LNX1: variants seen among roughly 807,000 people sequenced by gnomAD.
LNX1 encodes ligand of numb-protein X 1.
Under a neutral mutation model 68.4 loss-of-function variants are expected in LNX1, and 54 were observed. The observed-to-expected ratio is 0.79, with a 90% CI of 0.63 to 0.99. The LOEUF is 0.99. Ranked by LOEUF, LNX1 falls within the 50% of genes least tolerant of loss-of-function variation. The pLI, the probability that LNX1 is intolerant of heterozygous loss-of-function variation, is 0.00. For synonymous variants in LNX1, 336 were observed against 350.0 expected (o/e 0.96, Z 0.45); for missense variants, 906 against 926.4 (o/e 0.98, Z 0.29).
At chr4:53,484,533 AG>A (rs1377052308) in intron 6 of LNX1, among the ~76,000 whole-genome samples, 2 of 152,058 alleles carry the variant, frequency 1.3e-5, no homozygotes, top group African/African-American at 2.4e-5. Context: ...ACTGCACTCA[AG>A]CCTGGGTGAG....
At chr4:53,630,483 C>G (rs1346012595) in intron 1 of LNX1, among the ~76,000 whole-genome samples, 1 of 152,052 alleles carries the variant, frequency 6.6e-6, no homozygotes, top group South Asian at 2.1e-4. Flanking sequence ...ACTAGTGCCA[C>G]TTTTTTCTTA....
chr4:53,651,263 T>C (rs1735086013), intron 1 of LNX1, among the ~76,000 whole-genome samples: 1 of 152,224 alleles, frequency 6.6e-6, no homozygotes, highest in African/African-American at 2.4e-5. Flanking sequence ...TTGAGCTCGT[T>C]TGAAGCTCAC....
intron 2 of LNX1, among the ~76,000 whole-genome samples, chr4:53,560,015 C>T (rs1730174159): frequency 6.6e-6 from 1 of 152,136 alleles, no homozygotes; most frequent in Non-Finnish European, 1.5e-5. Context: ...GGAAGCTTAA[C>T]AGCTATCTCC....
chr4:53,460,670 TAA>T lies in LNX1; in HGVS notation c.*235_*236del, dbSNP rs1440636277. ...GGCTTTTTATTGAATAGAAAAAATATAAACAATGTTGTAGAGTAATGAGAAAT... is the reference window on the plus strand; with the variant it reads ...GGCTTTTTATTGAATAGAAAAAATATACAATGTTGTAGAGTAATGAGAAAT... On this transcript the variant is annotated 3_prime_UTR_variant, in exon 11 of 11. Transcript: ENST00000263925. 1.5e-5 allele frequency: 6 copies of T among 404,096 alleles called. No individual in the cohort carries two copies. In the Admixed American group the frequency reaches 2.8e-4, roughly 19 times the overall value. The allele number at this position is 404,096 out of a possible 1,614,324, so 25.0% of individuals were successfully genotyped here.
intron 3 of LNX1, 83 bp from the exon 4 acceptor site, chr4:53,507,552 A>C (rs1027888494): frequency 1.4e-6 from 2 of 1,439,058 alleles, no homozygotes; most frequent in Non-Finnish European, 9.6e-7. Context: ...GATATACACA[A>C]TAAGACATTA....
chr4:53,575,125 G>A (rs1279286680), intron 1 of LNX1, among the ~76,000 whole-genome samples: 1 of 152,094 alleles, frequency 6.6e-6, no homozygotes, highest in Non-Finnish European at 1.5e-5. Flanking sequence ...GGGATTACAG[G>A]CGCGCGCCAC....
chr4:53,459,741 A>AGATT lies in LNX1; in HGVS notation c.*1162_*1165dup, dbSNP rs1455225653. On this transcript the variant is annotated 3_prime_UTR_variant, in exon 11 of 11. Transcript: ENST00000263925. ...AGCTGTGTTAGCTGTGTACATACAC[A>AGATT]GATTATCTGAGAAAAGGTCAAGGGT... 2.8e-6 allele frequency: 1 copy of AGATT among 362,122 alleles called. No homozygotes were observed. Among genetic ancestry groups the AGATT allele is most frequent in the Admixed American group, 4.4e-5 (1 of 22,508 alleles). 22.4% of individuals were successfully genotyped at this position (362,122 alleles called of 1,614,324 possible).
At chr4:53,463,040 A>G (rs1196422908) in intron 9 of LNX1, among the ~76,000 whole-genome samples, 2 of 152,132 alleles carry the variant, frequency 1.3e-5, no homozygotes, top group Admixed American at 6.5e-5. Flanking sequence ...TAAGAATTAG[A>G]TGATTGTTAT....
At chr4:53,509,564 T>C (rs1726175025) in intron 2 of LNX1, among the ~76,000 whole-genome samples, 1 of 152,214 alleles carries the variant, frequency 6.6e-6, no homozygotes, top group African/African-American at 2.4e-5. Context: ...AATTTGCATA[T>C]ACTTTCTGGA....
intron 9 of LNX1, among the ~76,000 whole-genome samples, chr4:53,474,741 G>C (rs1392337777): frequency 6.6e-6 from 1 of 150,948 alleles, no homozygotes; most frequent in Non-Finnish European, 1.5e-5. Context: ...TGTCCATTTA[G>C]AGGAAATGAG....
At chr4:53,647,434 G>T (rs1204990770) in intron 1 of LNX1, among the ~76,000 whole-genome samples, 2 of 151,946 alleles carry the variant, frequency 1.3e-5, no homozygotes, top group Non-Finnish European at 2.9e-5. Flanking sequence ...TCAGTTCTTT[G>T]TGATTTAACA....
At chr4:53,635,434 T>C (rs1734435107) in intron 1 of LNX1, among the ~76,000 whole-genome samples, 1 of 152,202 alleles carries the variant, frequency 6.6e-6, no homozygotes, top group Non-Finnish European at 1.5e-5. Flanking sequence ...ATATAAATTT[T>C]CATTTAGATT....
intron 2 of LNX1, among the ~76,000 whole-genome samples, chr4:53,608,299 C>T (rs1733312942): frequency 6.6e-6 from 1 of 152,064 alleles, no homozygotes; most frequent in Non-Finnish European, 1.5e-5. Flanking sequence ...AAAAAGTAGG[C>T]AAAATAAATG....
At chr4:53,587,096 G>A (rs1732215167) in intron 1 of LNX1, among the ~76,000 whole-genome samples, 1 of 152,066 alleles carries the variant, frequency 6.6e-6, no homozygotes, top group Non-Finnish European at 1.5e-5. Flanking sequence ...ATCCCAAAAG[G>A]CAACCTACTA....
intron 2 of LNX1, among the ~76,000 whole-genome samples, chr4:53,551,270 C>A (rs1180947422): frequency 2.0e-5 from 3 of 152,034 alleles, no homozygotes; most frequent in Non-Finnish European, 2.9e-5. Flanking sequence ...GCAGGGAAGG[C>A]CACCCTCCCC....
chr4:53,599,128 A>G (rs1291106998), intron 2 of LNX1, among the ~76,000 whole-genome samples: 1 of 152,216 alleles, frequency 6.6e-6, no homozygotes, highest in Non-Finnish European at 1.5e-5. Flanking sequence ...AGGGCAATTC[A>G]TCTTGAATAG....
chr4:53,541,086 G>A (rs1347116630), intron 2 of LNX1, among the ~76,000 whole-genome samples: 12 of 148,254 alleles, frequency 8.1e-5, no homozygotes, highest in Admixed American at 6.8e-4. Flanking sequence ...GCAGTGAGCC[G>A]AGACCACGCC....
chr4:53,600,208 C>T (rs1160608392), intron 2 of LNX1, among the ~76,000 whole-genome samples: 2 of 152,176 alleles, frequency 1.3e-5, no homozygotes, highest in East Asian at 1.9e-4. Context: ...CAATAGAGTA[C>T]TCTGTCCTCT....
At chr4:53,647,446 T>C (rs1234167277) in intron 1 of LNX1, among the ~76,000 whole-genome samples, 1 of 152,238 alleles carries the variant, frequency 6.6e-6, no homozygotes, top group African/African-American at 2.4e-5. Flanking sequence ...GATTTAACAA[T>C]GTCTCAGCCA....
Sources: gnomAD v4.1 joint callset for allele counts (sites outside exome capture counted in the v4.1 genomes callset) on GRCh38, gnomAD v4.1.1 for gene constraint, MANE v1.5 for transcripts, NCBI Gene and HGNC (gene_info 2026-07-23, HGNC 2026-07-21) for gene names.